Variants in SYNE2 observed in about 807,000 individuals in gnomAD.
SYNE2 encodes nesprin-2.
SYNE2 carries 431 observed loss-of-function variants against 856.3 expected under a neutral mutation model. The observed-to-expected ratio is 0.50, with a 90% CI of 0.47 to 0.55. The LOEUF is 0.55. SYNE2 is among the 20% of genes least tolerant of loss of function. The pLI is 0.00. For synonymous variants in SYNE2, 2,923 were observed against 2,872.3 expected, an observed-to-expected ratio of 1.02 and a Z score of -0.56; for missense variants, 8,129 against 8,023.2, an observed-to-expected ratio of 1.01 and a Z score of -0.50.
intron 6 of SYNE2, 62 bp from the exon 7 acceptor site, chr14:63,949,763 T>G (rs2096121134): frequency 6.4e-7 from 1 of 1,573,218 alleles, no homozygotes; most frequent in African/African-American, 1.4e-5. Flanking sequence ...TGACTGGAAA[T>G]TTTGGCCCAA....
At chr14:64,213,951 T>TGAAG (rs1165607972) in intron 105 of SYNE2, among the ~76,000 whole-genome samples, 1 of 151,828 alleles carries the variant, frequency 6.6e-6, no homozygotes, top group Non-Finnish European at 1.5e-5. Flanking sequence ...AAACTTCAGC[T>TGAAG]TTTTTTTCCT....
chr14:63,947,264 T>C (rs2096050607), intron 6 of SYNE2, among the ~76,000 whole-genome samples: 1 of 152,192 alleles, frequency 6.6e-6, no homozygotes, highest in African/African-American at 2.4e-5. Flanking sequence ...CATAGCTACA[T>C]TGTACAAAAC....
chr14:63,779,145 C>T (rs1200377560), intron 1 of SYNE2, among the ~76,000 whole-genome samples: 2 of 151,252 alleles, frequency 1.3e-5, no homozygotes, highest in African/African-American at 4.9e-5. Flanking sequence ...CATGGTGAAA[C>T]CCCATTTCTA....
chr14:63,919,702 C>A (rs903421492), intron 2 of SYNE2, among the ~76,000 whole-genome samples: 1 of 152,054 alleles, frequency 6.6e-6, no homozygotes, highest in African/African-American at 2.4e-5. Context: ...CCTAGATGAA[C>A]GTGTTTCAGG....
In SYNE2 at chr14:64,052,100, G is replaced by A. The variant is rs2097231716; in HGVS notation, c.8187G>A (p.Lys2729=). ...LHLEAENQIK[K]CDIRNKMKET... ...TAGAAGCAGAAAATCAGATTAAGAA[G>A]TGTGACATAAGGAACAAGATGAAAG... The change falls in exon 48 of 116, where the codon AAG becomes AAA. Residue 2729 remains lysine (K), a synonymous_variant. Transcript: ENST00000555002. The A allele has an allele frequency of 6.2e-7, 1 of 1,614,084 alleles. No homozygotes were observed. Among genetic ancestry groups the A allele is most frequent in the Non-Finnish European group, 8.5e-7 (1 of 1,180,044 alleles).
intron 96 of SYNE2, among the ~76,000 whole-genome samples, chr14:64,185,293 G>A (rs546858329): frequency 6.6e-6 from 1 of 152,126 alleles, no homozygotes; most frequent in African/African-American, 2.4e-5. Flanking sequence ...AAAAGGCATA[G>A]TATCTTATTT....
chr14:63,761,866 G>T (rs1199728777), upstream of SYNE2: 3 of 209,764 alleles, frequency 1.4e-5, no homozygotes, highest in Non-Finnish European at 3.0e-5. Context: ...CCAGAGTCAG[G>T]CGTGTAAACC....
chr14:64,051,444 A>T (rs944360918), intron 47 of SYNE2, 113 bp from the exon 48 acceptor site: 4 of 1,042,002 alleles, frequency 3.8e-6, no homozygotes, highest in Non-Finnish European at 5.5e-6. Context: ...CAGACAGCCT[A>T]ATTTTTTCTG....
rs774155581 is a variant in SYNE2, at chr14:63,978,972, T to C, written c.1527T>C (p.Tyr509=). The C allele has an allele frequency of 5.0e-6, 8 of 1,613,948 alleles. No individual in the cohort carries two copies. Among genetic ancestry groups the C allele is most frequent in the Non-Finnish European group, 6.8e-6 (8 of 1,179,914 alleles). ...KSKLDIWNIK[Y]GSRESVELLL... The stretch of plus-strand genomic sequence containing the variant: ...AATTGGATATTTGGAACATTAAATA[T>C]GGGAGCAGAGAATCTGTGGAATTAT... The change falls in exon 14 of 116, where the codon TAT becomes TAC. Residue 509 remains tyrosine (Y), a synonymous_variant. Transcript: ENST00000555002.
chr14:63,977,307 G>T (rs1178638516), intron 12 of SYNE2, among the ~76,000 whole-genome samples: 1 of 151,962 alleles, frequency 6.6e-6, no homozygotes, highest in African/African-American at 2.4e-5. Context: ...CCGCCTCCTG[G>T]GTTCACACCA....
intron 1 of SYNE2, among the ~76,000 whole-genome samples, chr14:63,892,052 GT>G (rs374677392): frequency 2.0e-5 from 3 of 152,226 alleles, no homozygotes; most frequent in African/African-American, 7.2e-5. Context: ...GCTGTCATAA[GT>G]GTTTGCTGCC....
intron 2 of SYNE2, among the ~76,000 whole-genome samples, chr14:63,922,924 G>C (rs1263235362): frequency 6.6e-6 from 1 of 152,174 alleles, no homozygotes; most frequent in Non-Finnish European, 1.5e-5. Context: ...GCACAGCTCT[G>C]TTTAGTGCAG....
chr14:64,015,666 G>A (rs2096887092), intron 32 of SYNE2, among the ~76,000 whole-genome samples: 1 of 151,708 alleles, frequency 6.6e-6, no homozygotes, highest in Non-Finnish European at 1.5e-5. Context: ...TTCCCCTAAT[G>A]TTCTTGTATT....
chr14:63,769,513 A>G (rs928918330), intron 1 of SYNE2, among the ~76,000 whole-genome samples: 1 of 151,946 alleles, frequency 6.6e-6, no homozygotes, highest in Non-Finnish European at 1.5e-5. Flanking sequence ...TAAAAATACA[A>G]AAAAATTAGC....
At chr14:63,954,117 G>GT (rs1182641693) in intron 7 of SYNE2, among the ~76,000 whole-genome samples, 2 of 152,128 alleles carry the variant, frequency 1.3e-5, no homozygotes, top group Non-Finnish European at 2.9e-5. Context: ...AATATTCATT[G>GT]TATGTATATA....
At position 64,126,784 on chromosome 14, in the gene SYNE2, C is replaced by A. The variant is rs1459708226; in HGVS notation, c.13894C>A (p.Leu4632Ile). Residue 4632 changes from leucine (L) to isoleucine (I), a missense_variant, in exon 73 of 116, where the codon CTC becomes ATC. Leu to Ile is a conservative substitution (Grantham distance 5). Around this residue, in one of 3 missense-constraint regions of SYNE2, gnomAD observed 5,410 missense variants for 5,284.8 expected, o/e 1.02. Coordinates refer to ENST00000555002, the MANE Select transcript of SYNE2 (RefSeq NM_182914.3). ...VCRSKSLKAG[L>I]DYNRSYQNEI... ...TAGAAGCAAGTCCCTGAAAGCTGGC[C>A]TCGATTACAACCGCAGTTACCAGGT... The A allele has an allele frequency of 6.2e-7, 1 of 1,612,814 alleles. No homozygotes were observed. The highest frequency in any genetic ancestry group is 1.3e-5 in the African/African-American group (1 of 74,940).
At chr14:64,123,052 T>A (rs1270843850) in intron 70 of SYNE2, among the ~76,000 whole-genome samples, 1 of 150,168 alleles carries the variant, frequency 6.7e-6, no homozygotes, top group African/African-American at 2.5e-5. Context: ...TGAGCTGAGA[T>A]CGCGCCATTG....
chr14:64,118,470 T>G (rs1262977886), intron 66 of SYNE2, among the ~76,000 whole-genome samples: 1 of 152,216 alleles, frequency 6.6e-6, no homozygotes, highest in Non-Finnish European at 1.5e-5. Flanking sequence ...TTATTTGTCT[T>G]GAGAAAGAGA....
intron 1 of SYNE2, among the ~76,000 whole-genome samples, chr14:63,795,700 G>A (rs1389849316): frequency 6.6e-6 from 1 of 152,126 alleles, no homozygotes; most frequent in Admixed American, 6.5e-5. Context: ...GCCCAGCAAC[G>A]TGAATGTTCA....
Sources: gnomAD v4.1 joint callset for allele counts (sites outside exome capture counted in the v4.1 genomes callset) on GRCh38, gnomAD v4.1.1 for gene constraint, gnomAD v4.1.1 regional missense constraint, MANE v1.5 for transcripts, NCBI Gene and HGNC (gene_info 2026-07-23, HGNC 2026-07-21) for gene names.